STAG1: variants seen among roughly 807,000 people sequenced by gnomAD.
The protein encoded by STAG1 is STAG1 cohesin complex component, also known as cohesin subunit SA-1.
STAG1 carries 26 observed loss-of-function variants against 170.9 expected under a neutral mutation model. The observed-to-expected ratio is 0.15, with a 90% confidence interval of 0.11 to 0.21. The LOEUF is 0.21. STAG1 is among the 10% of genes least tolerant of loss of function. The pLI is 1.00. For synonymous variants in STAG1, 514 were observed against 497.7 expected (o/e 1.03, Z -0.44); for missense variants, 964 against 1,509.5 (o/e 0.64, Z 5.99).
intron 1 of STAG1, among the ~76,000 whole-genome samples, chr3:136,714,114 G>A (rs1258931043): frequency 6.6e-6 from 1 of 151,950 alleles, no homozygotes; most frequent in Non-Finnish European, 1.5e-5. Context: ...GGAGGTGGAG[G>A]CTGCCCAGAG....
chr3:136,617,367 C>T (rs563724952), intron 3 of STAG1, among the ~76,000 whole-genome samples: 2 of 152,248 alleles, frequency 1.3e-5, no homozygotes, highest in East Asian at 3.9e-4. Flanking sequence ...TAAGTCAGTC[C>T]TTCTTTAGGC....
intron 1 of STAG1, among the ~76,000 whole-genome samples, chr3:136,718,097 T>C (rs1333865233): frequency 6.6e-6 from 1 of 152,220 alleles, no homozygotes; most frequent in African/African-American, 2.4e-5. Flanking sequence ...ATTTCCATTT[T>C]TAAACAAAGG....
At chr3:136,528,149 C>G (rs960123090) in intron 6 of STAG1, among the ~76,000 whole-genome samples, 14 of 152,194 alleles carry the variant, frequency 9.2e-5, no homozygotes, top group African/African-American at 3.4e-4. Flanking sequence ...GAAGTTTCTG[C>G]TGCGTTTTGT....
intron 9 of STAG1, among the ~76,000 whole-genome samples, chr3:136,485,411 C>A (rs568924912): frequency 7.9e-5 from 12 of 152,128 alleles, no homozygotes; most frequent in Non-Finnish European, 2.9e-5. Context: ...AAGCCGAGAT[C>A]ACGCCACTGC....
In STAG1 at chr3:136,673,963, C is replaced by T. The variant is rs190640664; in HGVS notation, c.-83-42982G>A. Among the ~76,000 whole-genome samples the T allele has an allele frequency of 2.6e-3, 387 of 151,324 alleles. 2 individuals carry two copies. The highest frequency in any genetic ancestry group is 9.1e-3 in the African/African-American group (376 of 41,168). On this transcript the variant is annotated intron_variant, in intron 1 of 33. Coordinates refer to ENST00000383202, the MANE Select transcript of STAG1 (RefSeq NM_005862.3). ...ACTAAAAATACAACAATTGGCCAGG[C>T]GTGGTGGTGCATGCCTGTAGTCCCA...
chr3:136,726,555 C>G (rs13063987), intron 1 of STAG1, among the ~76,000 whole-genome samples: 31,663 of 152,056 alleles, frequency 0.21, 3,504 homozygotes, highest in Non-Finnish European at 0.24. Context: ...TCCCAAGTAG[C>G]TGGGATCACA....
chr3:136,538,364 T>C (rs375172457), intron 6 of STAG1, among the ~76,000 whole-genome samples: 4 of 151,748 alleles, frequency 2.6e-5, no homozygotes, highest in African/African-American at 4.8e-5. Flanking sequence ...ATTTAGAAAA[T>C]AGATGTAGTT....
intron 6 of STAG1, among the ~76,000 whole-genome samples, chr3:136,528,098 A>C (rs1191944423): frequency 6.6e-6 from 1 of 152,122 alleles, no homozygotes; most frequent in African/African-American, 2.4e-5. Context: ...GAGAACCACT[A>C]ATCTCCTCAA....
chr3:136,385,812 T>C (rs1249483535), intron 22 of STAG1, among the ~76,000 whole-genome samples: 4 of 151,942 alleles, frequency 2.6e-5, no homozygotes, highest in African/African-American at 4.8e-5. Context: ...AGTGATCCTC[T>C]TGTCTCAGCC....
intron 21 of STAG1, among the ~76,000 whole-genome samples, chr3:136,412,130 T>C (rs2107712869): frequency 6.6e-6 from 1 of 152,042 alleles, no homozygotes; most frequent in African/African-American, 2.4e-5. Flanking sequence ...AAAAAAAGAG[T>C]ACTGATTTAC....
At position 136,444,204 on chromosome 3, in the gene STAG1, G is replaced by A. The variant is rs369997719; in HGVS notation, c.1429-800C>T. Among the ~76,000 whole-genome samples the A allele has an allele frequency of 6.6e-5, 10 of 152,172 alleles. No individual in the cohort carries two copies. In the East Asian group the frequency reaches 1.7e-3, roughly 26 times the overall value. On this transcript the variant is annotated intron_variant, in intron 14 of 33. Transcript: ENST00000383202. ...TTCTCCTGCCTCAGCCTCCCGAGTA[G>A]CTGGGATTACAGGCCCACGCCACCA... is the stretch of plus-strand genomic sequence containing the variant.
intron 1 of STAG1, among the ~76,000 whole-genome samples, chr3:136,645,508 A>G (rs902472054): frequency 1.3e-5 from 2 of 152,208 alleles, no homozygotes; most frequent in African/African-American, 4.8e-5. Flanking sequence ...AGATCTCAAC[A>G]TTTCAAATGT....
At chr3:136,516,365 G>T (rs568820687) in intron 7 of STAG1, among the ~76,000 whole-genome samples, 1 of 152,014 alleles carries the variant, frequency 6.6e-6, no homozygotes, top group East Asian at 1.9e-4. Context: ...AAAATTAGCC[G>T]GATGTGGTGG....
intron 1 of STAG1, among the ~76,000 whole-genome samples, chr3:136,747,773 C>T (rs1344245690): frequency 2.0e-5 from 3 of 151,318 alleles, no homozygotes; most frequent in Admixed American, 6.6e-5. Context: ...GCAAGAATTA[C>T]GTAATTTTTT....
chr3:136,719,928 G>A (rs1933133289), intron 1 of STAG1, among the ~76,000 whole-genome samples: 1 of 152,114 alleles, frequency 6.6e-6, no homozygotes, highest in Admixed American at 6.6e-5. Context: ...TGTAATCCCA[G>A]CACTTTCGGA....
chr3:136,611,141 G>C (rs1939253788), intron 3 of STAG1, among the ~76,000 whole-genome samples: 1 of 152,018 alleles, frequency 6.6e-6, no homozygotes, highest in Non-Finnish European at 1.5e-5. Context: ...AGCCTGAAAG[G>C]AATTTTACAT....
chr3:136,405,790 CCA>C (rs1491190801), intron 21 of STAG1, among the ~76,000 whole-genome samples: 4 of 44,674 alleles, frequency 9.0e-5, no homozygotes, highest in East Asian at 7.7e-4. Flanking sequence ...GACTCTATCT[CCA>C]AAAAAAAAAA....
chr3:136,425,953 T>G (rs2088108583), intron 16 of STAG1, among the ~76,000 whole-genome samples: 1 of 151,566 alleles, frequency 6.6e-6, no homozygotes, highest in African/African-American at 2.4e-5. Context: ...TCTTGTTTCA[T>G]TAATTATCTC....
intron 21 of STAG1, 28 bp downstream of exon 21, chr3:136,417,857 T>C (rs766042130): frequency 1.3e-6 from 2 of 1,565,896 alleles, no homozygotes; most frequent in Middle Eastern, 1.7e-4. Flanking sequence ...TCTAGAGTCA[T>C]ACAGAAGGAA....
Sources: gnomAD v4.1 joint callset for allele counts (sites outside exome capture counted in the v4.1 genomes callset) on GRCh38, gnomAD v4.1.1 for gene constraint, MANE v1.5 for transcripts, NCBI Gene and HGNC (gene_info 2026-07-23, HGNC 2026-07-21) for gene names.